The following SMARCA1 variants were observed in gnomAD, a reference collection of about 807,000 sequenced individuals.
The protein encoded by SMARCA1 is SWI/SNF-related matrix-associated actin-dependent regulator of chromatin subfamily A member 1.
SMARCA1 carries 17 observed loss-of-function variants against 93.6 expected under a neutral mutation model. The ratio of observed to expected loss-of-function variants is 0.18; its 90% CI spans 0.12 to 0.27. The LOEUF (loss-of-function observed/expected upper bound fraction) is 0.27. Ranked by LOEUF, SMARCA1 falls within the 10% of genes least tolerant of loss-of-function variation. The probability of loss-of-function intolerance (pLI) is 1.00; values close to 1 mark genes in which losing one functional copy is unlikely to be tolerated. For synonymous variants in SMARCA1, 271 were observed against 271.4 expected, an observed-to-expected ratio of 1.00 and a Z score of 0.01; for missense variants, 630 against 819.0, an observed-to-expected ratio of 0.77 and a Z score of 2.82.
chrX:129,496,929 A>C, intron 11 of SMARCA1, 58 bp from the exon 12 acceptor site: 10 of 1,091,451 alleles, frequency 9.2e-6, no homozygotes, highest in Non-Finnish European at 1.3e-5. Context: ...CTAACTTAAA[A>C]GCTACAAAAT....
chrX:129,520,875 TTTTA>T (rs1220411953), intron 1 of SMARCA1, among the ~76,000 whole-genome samples: 1 of 111,373 alleles, frequency 9.0e-6, no homozygotes, highest in Non-Finnish European at 1.9e-5. Context: ...GACAGAAAAT[TTTTA>T]TTTATTTATT....
At chrX:129,508,552 T>C (rs925922378) in intron 6 of SMARCA1, among the ~76,000 whole-genome samples, 1 of 112,423 alleles carries the variant, frequency 8.9e-6, no homozygotes, top group African/African-American at 3.2e-5. Flanking sequence ...TGGAGAACTC[T>C]TGTATGTCCC....
At chrX:129,511,523 C>T (rs1307357095) in intron 6 of SMARCA1, among the ~76,000 whole-genome samples, 1 of 105,833 alleles carries the variant, frequency 9.4e-6, no homozygotes, top group Non-Finnish European at 1.9e-5. Context: ...ACTCAAAGTA[C>T]AATTCAAAAA....
chrX:129,521,107 A>C (rs1935375568), intron 1 of SMARCA1, among the ~76,000 whole-genome samples: 1 of 110,364 alleles, frequency 9.1e-6, no homozygotes, highest in Non-Finnish European at 1.9e-5. Flanking sequence ...GCTGGTTTCG[A>C]ACTCCTGACC....
chrX:129,448,271 C>T, intron 24 of SMARCA1, 62 bp downstream of exon 24: 1 of 1,044,913 alleles, frequency 9.6e-7, no homozygotes, highest in Non-Finnish European at 1.3e-6. Context: ...ATAATATAGG[C>T]ATTTTAATTA....
At chrX:129,491,398 C>T (rs1268346611) in intron 14 of SMARCA1, among the ~76,000 whole-genome samples, 1 of 111,263 alleles carries the variant, frequency 9.0e-6, no homozygotes, top group Non-Finnish European at 1.9e-5. Flanking sequence ...GTCAGAGAAA[C>T]TTTGCTCCCT....
At chrX:129,461,514 C>T (rs1365183596) in intron 23 of SMARCA1, among the ~76,000 whole-genome samples, 1 of 111,676 alleles carries the variant, frequency 9.0e-6, no homozygotes, top group East Asian at 2.8e-4. Context: ...ATTTAGTCGT[C>T]ACTCAATGAA....
chrX:129,475,840 A>G (rs1450345167), intron 19 of SMARCA1, among the ~76,000 whole-genome samples: 1 of 112,375 alleles, frequency 8.9e-6, no homozygotes, highest in Non-Finnish European at 1.9e-5. Flanking sequence ...AAATAAAAGC[A>G]GTAACCTGAA....
At chrX:129,504,587 A>T in intron 9 of SMARCA1, 147 bp downstream of exon 9, 18 of 220,549 alleles carry the variant, frequency 8.2e-5, no homozygotes, top group East Asian at 2.4e-4. Context: ...AAAAACAAAG[A>T]GGCTGTCAGA....
At position 129,448,452 on chromosome X, in the gene SMARCA1, AG is replaced by A; in HGVS notation, c.3031-10del. The A allele has an allele frequency of 1.7e-6, 2 of 1,171,506 alleles. No individual in the cohort carries two copies. The highest frequency in any genetic ancestry group is 2.3e-6 in the Non-Finnish European group (2 of 866,047). On this transcript the variant is annotated splice_polypyrimidine_tract_variant and intron_variant, in intron 23 of 24. Coordinates refer to ENST00000371121, the MANE Select transcript of SMARCA1 (RefSeq NM_001282874.2). ...CAGCGTCTCTGGAATTCCTAAATGA[AG>A]TAATAAAGATTTTTAATTTCTGCAA...
chrX:129,504,738 T>C lies in SMARCA1; in HGVS notation c.1163A>G (p.His388Arg). The change falls in exon 9 of 25, where the codon CAT becomes CGT. Residue 388 changes from histidine to arginine, a missense_variant. Physicochemically the swap from His to Arg is conservative, Grantham distance 29 (BLOSUM62 0). This residue lies in a region of SMARCA1 where 382 missense variants were observed against 537.9 expected (regional missense o/e 0.71). Transcript: ENST00000371121. ...LGDQKLVERL[H>R]AVLKPFLLRR... ...TTCTTGTCTGCTATTACTTACTGCA[T>C]GAAGTCTTTCCACGAGTTTTTGATC... is the stretch of plus-strand genomic sequence containing the variant. The C allele has an allele frequency of 2.5e-6, 3 of 1,182,689 alleles. No homozygotes were observed. Among genetic ancestry groups the C allele is most frequent in the East Asian group, 5.9e-5 (2 of 33,675 alleles).
intron 1 of SMARCA1, among the ~76,000 whole-genome samples, chrX:129,520,245 G>C (rs1935341412): frequency 9.3e-6 from 1 of 107,190 alleles, no homozygotes; most frequent in Non-Finnish European, 1.9e-5. Flanking sequence ...AATTCCTTTG[G>C]ATTTTGTTAT....
intron 20 of SMARCA1, 34 bp from the exon 21 acceptor site, chrX:129,468,939 G>A: frequency 9.6e-7 from 1 of 1,040,898 alleles, no homozygotes; most frequent in Non-Finnish European, 1.3e-6. Flanking sequence ...ATCAATAGAG[G>A]TTAAATTAAT....
chrX:129,459,376 G>A (rs1932761709), intron 23 of SMARCA1, among the ~76,000 whole-genome samples: 1 of 111,969 alleles, frequency 8.9e-6, no homozygotes, highest in South Asian at 3.7e-4. Context: ...CCGAGATTAT[G>A]CCACTGCACT....
intron 20 of SMARCA1, among the ~76,000 whole-genome samples, chrX:129,470,498 T>C (rs1188370697): frequency 8.9e-6 from 1 of 111,766 alleles, no homozygotes; most frequent in South Asian, 3.7e-4. Flanking sequence ...ATTCCATTAA[T>C]AAAAAATTAG....
intron 19 of SMARCA1, among the ~76,000 whole-genome samples, chrX:129,478,174 T>G (rs1933472651): frequency 8.9e-6 from 1 of 111,862 alleles, no homozygotes; most frequent in East Asian, 2.8e-4. Flanking sequence ...GCACCCCTTG[T>G]AAGCACAGAA....
At chrX:129,476,421 T>C (rs922797084) in intron 19 of SMARCA1, among the ~76,000 whole-genome samples, 4 of 111,791 alleles carry the variant, frequency 3.6e-5, no homozygotes, top group African/African-American at 1.3e-4. Context: ...AAAATAAAAA[T>C]GCAAATAACC....
At chrX:129,469,762 T>A (rs745442933) in intron 20 of SMARCA1, among the ~76,000 whole-genome samples, 1 of 112,534 alleles carries the variant, frequency 8.9e-6, no homozygotes, top group South Asian at 3.7e-4. Context: ...ATTATATTTC[T>A]AATTACAAAC....
intron 10 of SMARCA1, among the ~76,000 whole-genome samples, chrX:129,498,726 C>T (rs1477276100): frequency 1.8e-5 from 2 of 111,787 alleles, no homozygotes; most frequent in African/African-American, 3.2e-5. Flanking sequence ...CAAAACCAAG[C>T]TGTGATCTTA....
Sources: gnomAD v4.1 joint callset for allele counts (sites outside exome capture counted in the v4.1 genomes callset) on GRCh38, gnomAD v4.1.1 for gene constraint, gnomAD v4.1.1 regional missense constraint, MANE v1.5 for transcripts, NCBI Gene and HGNC (gene_info 2026-07-23, HGNC 2026-07-21) for gene names.